Variants in RNF220 observed in about 807,000 individuals in gnomAD.
The protein encoded by RNF220 is E3 ubiquitin-protein ligase RNF220.
In RNF220, 7 loss-of-function variants were observed where a neutral mutation model predicts 67.1. The observed-to-expected ratio is 0.10, with a 90% confidence interval of 0.06 to 0.20. The LOEUF (loss-of-function observed/expected upper bound fraction) is 0.20, where lower values mean the gene tolerates loss of function less well. RNF220 is among the 10% of genes least tolerant of loss of function. The pLI, the probability that RNF220 is intolerant of heterozygous loss-of-function variation, is 1.00. For missense variants in RNF220, 565 were observed against 740.3 expected (o/e 0.76, Z 2.75); for synonymous variants, 270 against 283.2 (o/e 0.95, Z 0.47).
At chr1:44,464,044 A>C (rs976152525) in intron 2 of RNF220, among the ~76,000 whole-genome samples, 5 of 152,244 alleles carry the variant, frequency 3.3e-5, no homozygotes, top group Admixed American at 6.5e-5. Context: ...GAAATAAGAA[A>C]GGAGGGGGCA....
chr1:44,510,613 C>A (rs1266515108), intron 2 of RNF220, among the ~76,000 whole-genome samples: 1 of 152,200 alleles, frequency 6.6e-6, no homozygotes, highest in East Asian at 1.9e-4. Flanking sequence ...GCCTTTCTGT[C>A]CCAATGTACA....
chr1:44,584,051 G>T (rs151042207), intron 2 of RNF220, among the ~76,000 whole-genome samples: 1 of 152,146 alleles, frequency 6.6e-6, no homozygotes, highest in African/African-American at 2.4e-5. Flanking sequence ...ACATAGCATC[G>T]TGTCTCTTCC....
intron 2 of RNF220, among the ~76,000 whole-genome samples, chr1:44,513,889 C>T (rs1334970215): frequency 6.6e-6 from 1 of 152,226 alleles, no homozygotes; most frequent in Admixed American, 6.5e-5. Context: ...TCTACTTCCG[C>T]TCTTCCTGGA....
chr1:44,572,409 G>A (rs74070530), intron 2 of RNF220, among the ~76,000 whole-genome samples: 2,654 of 152,258 alleles, frequency 0.017, 73 homozygotes, highest in African/African-American at 0.06. Context: ...ACCCAGCCTC[G>A]ATGGCACCCC....
chr1:44,475,695 A>G (rs1655237251), intron 2 of RNF220, among the ~76,000 whole-genome samples: 1 of 150,694 alleles, frequency 6.6e-6, no homozygotes, highest in East Asian at 2.0e-4. Context: ...TTTATCATCT[A>G]TTGGGTGCCA....
chr1:44,488,727 CTTTTTTTTT>C (rs55968850), intron 2 of RNF220, among the ~76,000 whole-genome samples: 7 of 102,568 alleles, frequency 6.8e-5, no homozygotes, highest in Non-Finnish European at 1.3e-4. Flanking sequence ...TTTCTTTTTT[CTTTTTTTTT>C]TTTTTTTTTT....
At chr1:44,505,569 A>C (rs1658339818) in intron 2 of RNF220, among the ~76,000 whole-genome samples, 1 of 152,210 alleles carries the variant, frequency 6.6e-6, no homozygotes, top group African/African-American at 2.4e-5. Flanking sequence ...TGCATTATTT[A>C]TTTAATGTCT....
intron 8 of RNF220, 24 bp downstream of exon 8, chr1:44,636,186 A>G (rs771625766): frequency 7.4e-5 from 117 of 1,583,374 alleles, no homozygotes; most frequent in Middle Eastern, 1.7e-4. Context: ...ACACGTAGAC[A>G]TTGGCACTCT....
chr1:44,511,765 G>A (rs940833122), intron 2 of RNF220, among the ~76,000 whole-genome samples: 2 of 152,212 alleles, frequency 1.3e-5, no homozygotes, highest in Non-Finnish European at 2.9e-5. Flanking sequence ...TCAGGAGGCT[G>A]GAGAAGTGAA....
At chr1:44,463,945 C>T (rs1290253447) in intron 2 of RNF220, among the ~76,000 whole-genome samples, 5 of 152,174 alleles carry the variant, frequency 3.3e-5, no homozygotes, top group Non-Finnish European at 7.3e-5. Flanking sequence ...GGAAGAAGGT[C>T]ACATGTGTGC....
Position 44,461,924 on chromosome 1 carries a change from G to GTTTT in RNF220, c.625+49220_625+49223dup, listed in dbSNP as rs201661366. On this transcript the variant is annotated intron_variant, in intron 2 of 14. Coordinates refer to ENST00000361799, the MANE Select transcript of RNF220 (RefSeq NM_018150.4). ...TATTTTTTTCTTTTCTTTTTTCTTTGTTTTTTTTTTTTTTTTTTTTTGAGC... is the reference window on the plus strand; with the variant it reads ...TATTTTTTTCTTTTCTTTTTTCTTTGTTTTTTTTTTTTTTTTTTTTTTTTTGAGC... Among the ~76,000 whole-genome samples the GTTTT allele has an allele frequency of 5.3e-3, 660 of 123,482 alleles. 27 individuals are homozygous for GTTTT. Among genetic ancestry groups the GTTTT allele is most frequent in the Middle Eastern group, 0.013 (3 of 224 alleles). 81.0% of individuals were successfully genotyped at this position (123,482 alleles called of 152,430 possible).
At chr1:44,555,005 C>G (rs1662953617) in intron 2 of RNF220, among the ~76,000 whole-genome samples, 1 of 152,142 alleles carries the variant, frequency 6.6e-6, no homozygotes, top group Non-Finnish European at 1.5e-5. Context: ...TGTCTTACCC[C>G]TTGCTTAACT....
intron 2 of RNF220, among the ~76,000 whole-genome samples, chr1:44,523,175 A>G: frequency 6.6e-6 from 1 of 152,186 alleles, no homozygotes; most frequent in East Asian, 1.9e-4. Context: ...GGGGGCTTCC[A>G]CATCCTGCCC....
chr1:44,454,286 A>C (rs1336898242), intron 2 of RNF220, among the ~76,000 whole-genome samples: 1 of 152,198 alleles, frequency 6.6e-6, no homozygotes, highest in African/African-American at 2.4e-5. Flanking sequence ...ATCTTTGCTT[A>C]TCATTTCCAT....
intron 2 of RNF220, among the ~76,000 whole-genome samples, chr1:44,595,768 A>T (rs1666436029): frequency 6.6e-6 from 1 of 151,686 alleles, no homozygotes; most frequent in East Asian, 1.9e-4. Context: ...ATTTTTATTT[A>T]TTTTTTATTT....
chr1:44,459,729 G>A (rs1437879060), intron 2 of RNF220, among the ~76,000 whole-genome samples: 1 of 152,170 alleles, frequency 6.6e-6, no homozygotes, highest in Non-Finnish European at 1.5e-5. Flanking sequence ...AACTGCCGAT[G>A]AAAGAGGGAA....
intron 2 of RNF220, among the ~76,000 whole-genome samples, chr1:44,597,508 A>G (rs1666598625): frequency 1.2e-5 from 1 of 82,846 alleles, no homozygotes; most frequent in Non-Finnish European, 2.7e-5. Flanking sequence ...ACACACACAC[A>G]CACGAACCTC....
At chr1:44,592,932 G>C (rs575248627) in intron 2 of RNF220, among the ~76,000 whole-genome samples, 8 of 152,310 alleles carry the variant, frequency 5.3e-5, no homozygotes, top group African/African-American at 1.4e-4. Flanking sequence ...CAGGGAGTGG[G>C]AGTAGAGGGG....
intron 3 of RNF220, among the ~76,000 whole-genome samples, chr1:44,620,847 C>T (rs1172647653): frequency 4.0e-5 from 6 of 151,576 alleles, no homozygotes; most frequent in Non-Finnish European, 5.9e-5. Flanking sequence ...TCCATATCTA[C>T]GCATGTGTTT....
Sources: allele counts gnomAD v4.1 joint callset (sites outside exome capture counted in the v4.1 genomes callset), GRCh38; gene constraint gnomAD v4.1.1; transcripts MANE v1.5; gene names NCBI Gene and HGNC (gene_info 2026-07-23, HGNC 2026-07-21).